Variants in UBR4 observed in about 807,000 individuals in gnomAD.
The protein encoded by UBR4 is ubiquitin protein ligase E3 component n-recognin 4, also known as E3 ubiquitin-protein ligase UBR4.
UBR4 carries 124 observed loss-of-function variants against 575.6 expected under a neutral mutation model. The observed-to-expected ratio is 0.22, with a 90% CI of 0.19 to 0.25. The LOEUF is 0.25. Ranked by LOEUF, UBR4 falls within the 10% of genes least tolerant of loss-of-function variation. The probability of loss-of-function intolerance (pLI) is 1.00; values close to 1 mark genes in which losing one functional copy is unlikely to be tolerated. For missense variants in UBR4, 4,818 were observed against 6,478.8 expected (o/e 0.74, Z 8.80); for synonymous variants, 2,455 against 2,473.7 (o/e 0.99, Z 0.22).
At chr1:19,141,293 C>G (rs1180667975) in intron 57 of UBR4, 54 bp downstream of exon 57, 1 of 1,612,576 alleles carries the variant, frequency 6.2e-7, no homozygotes, top group Non-Finnish European at 8.5e-7. Flanking sequence ...CTGCCAAACC[C>G]TCTTTTCCTG....
chr1:19,128,387 T>G lies in UBR4; in HGVS notation c.9004-69A>C. The G allele has an allele frequency of 2.2e-6, 3 of 1,354,226 alleles. No homozygotes were observed. In the South Asian group the frequency reaches 3.5e-5, roughly 16 times the overall value. The allele number at this position is 1,354,226 out of a possible 1,614,324, so 83.9% of individuals were successfully genotyped here. ...AAGAACGACTTGAAATACGGGGTGT[T>G]TCAGAAGAAATCCTAATCTTCCTGA... On this transcript the variant is annotated intron_variant, in intron 61 of 105. Coordinates refer to ENST00000375254, the MANE Select transcript of UBR4 (RefSeq NM_020765.3).
rs892450141 is a variant in UBR4, at chr1:19,089,255, A to G, written c.14212-278T>C. Reference sequence around the variant, plus strand: ...GGCTGCTGTGATGACTAAAAACTAGATAACATATGCAAAGCATCCATCACA... The same window carrying G: ...GGCTGCTGTGATGACTAAAAACTAGGTAACATATGCAAAGCATCCATCACA... On this transcript the variant is annotated intron_variant, in intron 97 of 105. Transcript: ENST00000375254. This position sits in a 1 kb window ranked among gnomAD's most constrained non-coding sequence, Gnocchi z 4.3. Among the ~76,000 whole-genome samples, 7 of 152,324 alleles carry G rather than the reference A, an allele frequency of 4.6e-5. No homozygotes were observed. The highest frequency in any genetic ancestry group is 1.7e-4 in the African/African-American group (7 of 41,602).
rs2077681471 is a variant in UBR4, at chr1:19,093,047, A to C, written c.14112-129T>G. 2 of 920,016 alleles carry C rather than the reference A, an allele frequency of 2.2e-6. No homozygotes were observed. Among genetic ancestry groups the C allele is most frequent in the Non-Finnish European group, 3.3e-6 (2 of 603,672 alleles). 57.0% of individuals were successfully genotyped at this position (920,016 alleles called of 1,614,324 possible). ...GTGACCCTCTCCGAGTGTCATAAAGAATCACATAGAACCACCCAGCTCAGC... is the reference window on the plus strand; with the variant it reads ...GTGACCCTCTCCGAGTGTCATAAAGCATCACATAGAACCACCCAGCTCAGC... On this transcript the variant is annotated intron_variant, in intron 96 of 105. Transcript: ENST00000375254. This position sits in a 1 kb window ranked among gnomAD's most constrained non-coding sequence, Gnocchi z 4.8.
intron 60 of UBR4, among the ~76,000 whole-genome samples, chr1:19,137,259 C>T (rs2083302087): frequency 6.6e-6 from 1 of 150,618 alleles, no homozygotes; most frequent in African/African-American, 2.5e-5. Context: ...CTGTTCACAC[C>T]ACTGCACTCC....
intron 73 of UBR4, 109 bp from the exon 74 acceptor site, chr1:19,115,746 G>T: frequency 1.3e-6 from 2 of 1,491,606 alleles, no homozygotes; most frequent in Non-Finnish European, 1.8e-6. Flanking sequence ...GCAATTAAGT[G>T]GTTACTCTAA....
intron 87 of UBR4, among the ~76,000 whole-genome samples, chr1:19,101,887 T>C (rs767531145): frequency 2.6e-5 from 4 of 152,244 alleles, no homozygotes; most frequent in Non-Finnish European, 5.9e-5. Context: ...GCTGTGTACA[T>C]GTCTTGCTCT....
Position 19,170,648 on chromosome 1 carries a change from C to T in UBR4, c.3643+114G>A, listed in dbSNP as rs1449019880. 5 of 1,429,448 alleles carry T rather than the reference C, an allele frequency of 3.5e-6. No individual in the cohort carries two copies. The Admixed American group carries it at 6.3e-5, about 18-fold the overall frequency. 88.5% of individuals were successfully genotyped at this position (1,429,448 alleles called of 1,614,324 possible). ...CAAACCTACCTAAATGCTTGATACA[C>T]AAAAAGGCTCCAATAAATAGTAAAC... is the stretch of plus-strand genomic sequence containing the variant. On this transcript the variant is annotated intron_variant, in intron 26 of 105. Coordinates refer to ENST00000375254, the MANE Select transcript of UBR4 (RefSeq NM_020765.3).
intron 57 of UBR4, 129 bp downstream of exon 57, chr1:19,141,218 A>G: frequency 1.6e-6 from 2 of 1,262,266 alleles, no homozygotes; most frequent in East Asian, 4.9e-5. Flanking sequence ...ATCTCTGAAC[A>G]GCTCTCACCC....
chr1:19,203,424 C>T (rs1341863063), intron 1 of UBR4, among the ~76,000 whole-genome samples: 1 of 152,002 alleles, frequency 6.6e-6, no homozygotes, highest in Non-Finnish European at 1.5e-5. Flanking sequence ...TTGCTTGAAC[C>T]CGGCAGGTGG....
chr1:19,076,128 A>G (rs1053978339), intron 105 of UBR4, among the ~76,000 whole-genome samples: 1 of 152,242 alleles, frequency 6.6e-6, no homozygotes, highest in African/African-American at 2.4e-5. Context: ...ATACAAACCA[A>G]TTCTAATGTG....
At chr1:19,146,536 C>G (rs1014241457) in intron 52 of UBR4, among the ~76,000 whole-genome samples, 2 of 152,226 alleles carry the variant, frequency 1.3e-5, no homozygotes, top group African/African-American at 4.8e-5. Context: ...CCAAGCTTAG[C>G]TTTCCCCTGA....
At chr1:19,099,490 C>CTGCTACAT in intron 90 of UBR4, 107 bp downstream of exon 90, 1 of 989,420 alleles carries the variant, frequency 1.0e-6, no homozygotes, top group South Asian at 1.5e-5. Context: ...CCTTAGAGAG[C>CTGCTACAT]TGCTACAAGC....
chr1:19,084,741 T>G (rs777820026), intron 101 of UBR4, 43 bp from the exon 102 acceptor site: 1 of 1,558,868 alleles, frequency 6.4e-7, no homozygotes, highest in South Asian at 1.2e-5. Context: ...AGTGAGTTCC[T>G]GGTGAAAACC....
rs12138208 is a variant in UBR4 at position 19,115,199 on chromosome 1, G to A, written c.11063+199C>T. Among the ~76,000 whole-genome samples the A allele has an allele frequency of 4.3e-4, 55 of 127,144 alleles. No homozygotes were observed. The East Asian group carries it at 7.3e-3, about 17-fold the overall frequency. The allele number at this position is 127,144 out of a possible 152,430, so 83.4% of individuals were successfully genotyped here. ...AGGACAGACACACTCGTGTGCACAT[G>A]CACACACACACACACACACACACTC... On this transcript the variant is annotated intron_variant, in intron 74 of 105. Coordinates refer to ENST00000375254, the MANE Select transcript of UBR4 (RefSeq NM_020765.3).
Position 19,146,939 on chromosome 1 carries a change from T to A in UBR4, c.7691A>T (p.Asp2564Val). 6.2e-7 allele frequency: 1 copy of A among 1,613,856 alleles called. No individual in the cohort carries two copies. The highest frequency in any genetic ancestry group is 8.5e-7 in the Non-Finnish European group (1 of 1,179,846). ...CLNTSSKEGK[D>V]LDPEVFQRLV... Reference sequence around the variant, plus strand: ...CCTCTGGAACACCTCAGGGTCCAAATCCTTGCCCTCTTTGCTAGATGTGTT... The same window carrying A: ...CCTCTGGAACACCTCAGGGTCCAAAACCTTGCCCTCTTTGCTAGATGTGTT... The change falls in exon 52 of 106, where the codon GAT (aspartate) becomes GTT (valine). Residue 2564 changes from aspartate to valine, a missense_variant. This residue lies in a region of UBR4 where 340 missense variants were observed against 375.4 expected (regional missense o/e 0.91). Transcript: ENST00000375254.
rs757777606 is a variant in UBR4, at chr1:19,081,660, T to C, written c.15009-87A>G. 2.8e-6 allele frequency: 4 copies of C among 1,444,042 alleles called. No homozygotes were observed. The Admixed American group carries it at 6.7e-5, about 24-fold the overall frequency. The allele number at this position is 1,444,042 out of a possible 1,614,324, so 89.5% of individuals were successfully genotyped here. ...CAGGAAGAATTTGCTCAATTTGTCG[T>C]TGTCTTGTGACATTTGCTGAACGCT... On this transcript the variant is annotated intron_variant, in intron 102 of 105. Coordinates refer to ENST00000375254, the MANE Select transcript of UBR4 (RefSeq NM_020765.3).
chr1:19,113,399 C>T, intron 77 of UBR4: 1 of 379,640 alleles, frequency 2.6e-6, no homozygotes, highest in Non-Finnish European at 4.7e-6. Context: ...TTTTTTAAGA[C>T]CAGTAACCCC....
rs755665657 is a variant in UBR4 at position 19,106,550 on chromosome 1, T to C, written c.12393+19A>G. The C allele has an allele frequency of 1.3e-6, 2 of 1,547,164 alleles. No individual in the cohort carries two copies. Among genetic ancestry groups the C allele is most frequent in the Non-Finnish European group, 1.7e-6 (2 of 1,148,244 alleles). On this transcript the variant is annotated intron_variant, in intron 83 of 105. Coordinates refer to ENST00000375254, the MANE Select transcript of UBR4 (RefSeq NM_020765.3). ...GGTCAGGGGCGCAGGGGGTGAAGAG[T>C]CCAGAAGTGGCCACTCACTTGTCGC...
At chr1:19,115,191 GTGCACA>G (rs56775120) in intron 74 of UBR4, among the ~76,000 whole-genome samples, 7,297 of 86,642 alleles carry the variant, frequency 0.084, 575 homozygotes, top group African/African-American at 0.21. Flanking sequence ...ACACACTCGT[GTGCACA>G]TGCACACACA....
Sources: gnomAD v4.1 joint callset for allele counts (sites outside exome capture counted in the v4.1 genomes callset) on GRCh38, gnomAD v4.1.1 for gene constraint, gnomAD v4.1.1 regional missense constraint, Gnocchi (gnomAD v3.1) non-coding constraint, MANE v1.5 for transcripts, NCBI Gene and HGNC (gene_info 2026-07-23, HGNC 2026-07-21) for gene names.